ARHGEF10: variants seen among roughly 807,000 people sequenced by gnomAD.
The protein encoded by ARHGEF10 is Rho guanine nucleotide exchange factor (GEF) 10.
ARHGEF10 carries 140 observed loss-of-function variants against 147.4 expected under a neutral mutation model. That is an observed-to-expected ratio of 0.95 (90% CI 0.83 to 1.09). The LOEUF is 1.09. ARHGEF10 is among the 50% of genes least tolerant of loss of function. The pLI, the probability that ARHGEF10 is intolerant of heterozygous loss-of-function variation, is 0.00. For missense variants in ARHGEF10, 2,222 were observed against 1,752.7 expected (o/e 1.27, Z -4.78); for synonymous variants, 902 against 695.8 (o/e 1.30, Z -4.67).
chr8:1,823,409 C>T (rs1345193846), upstream of ARHGEF10, among the ~76,000 whole-genome samples: 1 of 151,660 alleles, frequency 6.6e-6, no homozygotes, highest in Non-Finnish European at 1.5e-5. Context: ...CCCTCCTCGG[C>T]TGGGCGCACC....
rs369605128 is a variant in ARHGEF10 at position 1,933,753 on chromosome 8, G to A, written c.3080-47G>A. On this transcript the variant is annotated intron_variant, in intron 25 of 28. Transcript: ENST00000349830. ...TGTATGACCCCATTTTCCCATTCCTGTGCACAGAAAACTGAACTTGAATGA... is the reference window on the plus strand; with the variant it reads ...TGTATGACCCCATTTTCCCATTCCTATGCACAGAAAACTGAACTTGAATGA... The A allele has an allele frequency of 1.3e-4, 206 of 1,612,106 alleles. 2 individuals carry two copies. The South Asian group carries it at 2.0e-3, about 16-fold the overall frequency.
In ARHGEF10 at chr8:1,928,598, G is replaced by C. The variant is rs761873637; in HGVS notation, c.2869G>C (p.Ala957Pro). Residue 957 changes from alanine (A) to proline (P), a missense_variant, in exon 24 of 29, where the codon GCC (alanine) becomes CCC (proline). Coordinates refer to ENST00000349830, the MANE Select transcript of ARHGEF10 (RefSeq NM_014629.4). Reference sequence around the variant, plus strand: ...GGCACCCCCGGACCCCGAGACCCCGGCCGTGAGAGCTTCTGATGTCCCCAC... The same window carrying C: ...GGCACCCCCGGACCCCGAGACCCCGCCCGTGAGAGCTTCTGATGTCCCCAC... ...PGAPPDPETPAVRASDVPTIC... is the reference protein window; with the variant it reads ...PGAPPDPETPPVRASDVPTIC... The C allele has an allele frequency of 3.1e-6, 5 of 1,614,216 alleles. No individual in the cohort carries two copies. In the South Asian group the frequency reaches 5.5e-5, roughly 18 times the overall value.
intron 27 of ARHGEF10, among the ~76,000 whole-genome samples, chr8:1,951,605 G>A (rs1585663484): frequency 1.3e-5 from 2 of 152,184 alleles, no homozygotes; most frequent in African/African-American, 2.4e-5. Flanking sequence ...TGAACTTTGG[G>A]TCAAATGCAG....
intron 11 of ARHGEF10, 67 bp from the exon 12 acceptor site, chr8:1,893,502 G>C (rs1298891174): frequency 9.5e-7 from 1 of 1,048,684 alleles, no homozygotes; most frequent in Admixed American, 1.7e-5. Flanking sequence ...CCTCAGCATA[G>C]AAGTAAAATG....
Position 1,880,184 on chromosome 8 carries a change from C to A in ARHGEF10, c.960+20C>A, listed in dbSNP as rs754250622. On this transcript the variant is annotated intron_variant, in intron 9 of 28. Transcript: ENST00000349830. ...CTGAAGGTAGAGTCTTGCCCCCGGC[C>A]GCTGCCCCCACTTGCCAGCCGGGCA... is the stretch of plus-strand genomic sequence containing the variant. 3 of 1,565,930 alleles carry A rather than the reference C, an allele frequency of 1.9e-6. No individual in the cohort carries two copies. The highest frequency in any genetic ancestry group is 4.5e-5 in the East Asian group (2 of 44,688).
intron 1 of ARHGEF10, among the ~76,000 whole-genome samples, chr8:1,837,877 G>A (rs1006050314): frequency 2.6e-5 from 4 of 152,190 alleles, no homozygotes; most frequent in Admixed American, 1.3e-4. Flanking sequence ...CGTTCCTCAT[G>A]GTGAGTCAAG....
At position 1,920,780 on chromosome 8, in the gene ARHGEF10, CG is replaced by C. The variant is rs1191928055; in HGVS notation, c.2144-2183del. Reference sequence around the variant, plus strand: ...TAACTACTGGATCAGTTTGCTCTTTCGTTTTTTTTTGTTTGTTTGTTTTGAT... The same window carrying C: ...TAACTACTGGATCAGTTTGCTCTTTCTTTTTTTTTGTTTGTTTGTTTTGAT... On this transcript the variant is annotated intron_variant, in intron 18 of 28. Coordinates refer to ENST00000349830, the MANE Select transcript of ARHGEF10 (RefSeq NM_014629.4). 2.7e-5 allele frequency among the ~76,000 whole-genome samples: 4 copies of C among 147,936 alleles called. No homozygotes were observed. The East Asian group carries it at 6.0e-4, about 22-fold the overall frequency.
At chr8:1,850,581 G>A (rs1805055413) in intron 2 of ARHGEF10, among the ~76,000 whole-genome samples, 1 of 151,720 alleles carries the variant, frequency 6.6e-6, no homozygotes, top group Non-Finnish European at 1.5e-5. Flanking sequence ...GCTGAGGAGG[G>A]CCGGGTGCTG....
chr8:1,903,154 C>T, intron 15 of ARHGEF10, 127 bp from the exon 16 acceptor site: 1 of 1,237,854 alleles, frequency 8.1e-7, no homozygotes, highest in Non-Finnish European at 1.2e-6. Flanking sequence ...CAAGAACTGA[C>T]TTTATTTTTC....
At chr8:1,940,617 C>A (rs533737629) in intron 26 of ARHGEF10, among the ~76,000 whole-genome samples, 17 of 152,310 alleles carry the variant, frequency 1.1e-4, no homozygotes, top group African/African-American at 3.6e-4. Flanking sequence ...GAGGACGGAA[C>A]AACACTTCCT....
intron 17 of ARHGEF10, among the ~76,000 whole-genome samples, chr8:1,907,982 A>G (rs1162845125): frequency 6.6e-6 from 1 of 152,164 alleles, no homozygotes; most frequent in Non-Finnish European, 1.5e-5. Flanking sequence ...ACTCATGGGC[A>G]TTTCTGTTTT....
At chr8:1,848,699 G>A (rs1438072189) in intron 2 of ARHGEF10, among the ~76,000 whole-genome samples, 1 of 152,074 alleles carries the variant, frequency 6.6e-6, no homozygotes, top group Non-Finnish European at 1.5e-5. Context: ...GACAAGTCAC[G>A]AAAAAGAAAA....
At position 1,957,153 on chromosome 8, in the gene ARHGEF10, G is replaced by T; in HGVS notation, c.3925G>T (p.Val1309Phe). ...AGCCAAGGCCAGCTCGGCGCTGGTG[G>T]TCTGTGGAGGGCAGGGCCACCGCCG... ...KKAKASSALVVCGGQGHRRVH... is the reference protein window; with the variant it reads ...KKAKASSALVFCGGQGHRRVH... The change falls in exon 29 of 29, where the codon GTC (valine) becomes TTC (phenylalanine). Residue 1309 changes from valine (V) to phenylalanine (F), a missense_variant. Coordinates refer to ENST00000349830, the MANE Select transcript of ARHGEF10 (RefSeq NM_014629.4). 6.2e-7 allele frequency: 1 copy of T among 1,612,778 alleles called. No homozygotes were observed. Among genetic ancestry groups the T allele is most frequent in the Non-Finnish European group, 8.5e-7 (1 of 1,180,036 alleles).
chr8:1,928,285 A>C (rs1345673659), intron 23 of ARHGEF10, 142 bp from the exon 24 acceptor site: 1 of 789,732 alleles, frequency 1.3e-6, no homozygotes, highest in African/African-American at 1.7e-5. Context: ...CAATTGTTTA[A>C]GAATTTTTTT....
chr8:1,890,206 TG>T (rs1359263945), intron 11 of ARHGEF10, among the ~76,000 whole-genome samples: 1 of 131,420 alleles, frequency 7.6e-6, no homozygotes, highest in Non-Finnish European at 1.6e-5. Context: ...GGGTGAGGGT[TG>T]TGAAGAGACA....
intron 3 of ARHGEF10, among the ~76,000 whole-genome samples, chr8:1,859,444 T>C (rs1805904201): frequency 6.7e-6 from 1 of 149,448 alleles, no homozygotes; most frequent in South Asian, 2.1e-4. Flanking sequence ...GCCTCTCTGC[T>C]TACATGGTGT....
At chr8:1,904,198 A>G (rs1019803907) in intron 16 of ARHGEF10, 1 of 152,200 alleles carries the variant, frequency 6.6e-6, no homozygotes, top group African/African-American at 2.4e-5. Context: ...GCGGCAGTTC[A>G]TTTGCCAGGC....
chr8:1,878,469 G>A (rs1428601905), intron 8 of ARHGEF10, among the ~76,000 whole-genome samples: 3 of 152,224 alleles, frequency 2.0e-5, no homozygotes, highest in Non-Finnish European at 2.9e-5. Flanking sequence ...ACAGGCATGA[G>A]CCACTGCACC....
chr8:1,891,672 A>C (rs1809538937), intron 11 of ARHGEF10, among the ~76,000 whole-genome samples: 1 of 152,088 alleles, frequency 6.6e-6, no homozygotes, highest in Non-Finnish European at 1.5e-5. Context: ...TGGGGGCTGC[A>C]TTCAGGATGG....
Sources: allele counts gnomAD v4.1 joint callset (sites outside exome capture counted in the v4.1 genomes callset), GRCh38; gene constraint gnomAD v4.1.1; transcripts MANE v1.5; gene names NCBI Gene and HGNC (gene_info 2026-07-23, HGNC 2026-07-21).